The following PTPN9 variants were observed in gnomAD, a reference collection of about 807,000 sequenced individuals.
PTPN9 encodes tyrosine-protein phosphatase non-receptor type 9.
A neutral mutation model predicts 69.8 loss-of-function variants in PTPN9; 26 were observed. That is an observed-to-expected ratio of 0.37 (90% CI 0.27 to 0.52). The LOEUF is 0.52. Among genes scored for constraint, PTPN9 ranks in the 20% least tolerant of loss-of-function variants. PTPN9 has a pLI of 0.91. For missense variants in PTPN9, 549 were observed against 740.3 expected, an observed-to-expected ratio of 0.74 and a Z score of 3.00; for synonymous variants, 274 against 272.5, an observed-to-expected ratio of 1.01 and a Z score of -0.05.
intron 1 of PTPN9, among the ~76,000 whole-genome samples, chr15:75,568,330 A>C (rs150641672): frequency 2.7e-5 from 4 of 149,966 alleles, no homozygotes; most frequent in African/African-American, 7.4e-5. Context: ...CTGTCTCTAC[A>C]ACAAATAAAA....
rs1272681371 is a variant in PTPN9 at position 75,575,614 on chromosome 15, TA to T, written c.63+3099del. ...GTACTGCTGTTTAATTTTAATATTTTAAATAAATCTTAAGAGTACCCTTGGC... is the reference window on the plus strand; with the variant it reads ...GTACTGCTGTTTAATTTTAATATTTTAATAAATCTTAAGAGTACCCTTGGC... On this transcript the variant is annotated intron_variant, in intron 1 of 12. Transcript: ENST00000618819. Among the ~76,000 whole-genome samples, 52 of 152,166 alleles carry T rather than the reference TA, an allele frequency of 3.4e-4. 1 individual carries two copies. Among genetic ancestry groups the T allele is most frequent in the African/African-American group, 1.3e-3 (52 of 41,448 alleles).
intron 7 of PTPN9, among the ~76,000 whole-genome samples, chr15:75,504,412 A>C (rs1426408468): frequency 0.017 from 815 of 47,912 alleles, no homozygotes; most frequent in Admixed American, 0.025. Flanking sequence ...CGGCCAGCCG[A>C]CCCGTCCGGG....
In PTPN9 at chr15:75,469,828, T is replaced by C. The variant is rs758775634; in HGVS notation, c.1531A>G (p.Ile511Val). ...ATGCCTGCACTGCAATGGACCACAA[T>C]GGGTGGCTCAGGGCACTGCCCTTTG... is the stretch of plus-strand genomic sequence containing the variant. ...RSKGQCPEPP[I>V]VVHCSAGIGR... Residue 511 changes from isoleucine (I) to valine (V), a missense_variant, in exon 12 of 13, where the codon ATT becomes GTT. By Grantham distance (29) the Ile-to-Val change is conservative. Coordinates refer to ENST00000618819, the MANE Select transcript of PTPN9 (RefSeq NM_002833.4). The C allele has an allele frequency of 6.2e-7, 1 of 1,613,440 alleles. No individual in the cohort carries two copies. Among genetic ancestry groups the C allele is most frequent in the South Asian group, 1.1e-5 (1 of 91,038 alleles).
intron 7 of PTPN9, among the ~76,000 whole-genome samples, chr15:75,494,267 C>T (rs543230174): frequency 6.6e-6 from 1 of 151,920 alleles, no homozygotes; most frequent in African/African-American, 2.4e-5. Context: ...AACTAAATAA[C>T]AAACCTTCAG....
intron 1 of PTPN9, among the ~76,000 whole-genome samples, chr15:75,543,796 A>T (rs1474448561): frequency 6.6e-6 from 1 of 152,192 alleles, no homozygotes; most frequent in Non-Finnish European, 1.5e-5. Context: ...ACATAACAGG[A>T]ATTTTTGAAC....
intron 1 of PTPN9, among the ~76,000 whole-genome samples, chr15:75,546,529 G>C (rs571532278): frequency 3.3e-5 from 5 of 152,074 alleles, no homozygotes; most frequent in African/African-American, 1.2e-4. Flanking sequence ...TGTACTCCCA[G>C]CTACTCAGGA....
intron 1 of PTPN9, among the ~76,000 whole-genome samples, chr15:75,559,196 G>A (rs1246033179): frequency 6.6e-6 from 1 of 151,666 alleles, no homozygotes; most frequent in Non-Finnish European, 1.5e-5. Flanking sequence ...TAAGTGAGGA[G>A]CCCCTCCGCC....
chr15:75,504,063 G>A (rs1338284607), intron 7 of PTPN9, among the ~76,000 whole-genome samples: 2 of 120,388 alleles, frequency 1.7e-5, no homozygotes, highest in Admixed American at 7.8e-5. Context: ...CAGCCGACCC[G>A]TCCGGGAGGG....
chr15:75,518,965 A>G (rs768570769), intron 4 of PTPN9, among the ~76,000 whole-genome samples: 1 of 152,222 alleles, frequency 6.6e-6, no homozygotes, highest in Admixed American at 6.6e-5. Flanking sequence ...ATCCGTACTT[A>G]TATGTGATCT....
At chr15:75,482,269 T>G (rs190739202) in intron 8 of PTPN9, among the ~76,000 whole-genome samples, 1 of 151,826 alleles carries the variant, frequency 6.6e-6, no homozygotes, top group Non-Finnish European at 1.5e-5. Context: ...GCATGCTCCT[T>G]AAGAGTCATC....
intron 8 of PTPN9, among the ~76,000 whole-genome samples, chr15:75,481,766 G>T (rs1180712981): frequency 1.2e-5 from 1 of 85,784 alleles, no homozygotes; most frequent in South Asian, 6.0e-4. Context: ...GCCTCTGCCC[G>T]GCCGCCCCTA....
intron 7 of PTPN9, among the ~76,000 whole-genome samples, chr15:75,505,421 C>G (rs1485138500): frequency 6.7e-6 from 1 of 148,690 alleles, no homozygotes; most frequent in Non-Finnish European, 1.5e-5. Context: ...CCTGCCAAAT[C>G]CCCCTCTGCG....
intron 7 of PTPN9, among the ~76,000 whole-genome samples, chr15:75,502,998 C>G (rs535987520): frequency 2.0e-5 from 3 of 152,290 alleles, no homozygotes; most frequent in Admixed American, 2.0e-4. Context: ...ACCTCCATCT[C>G]CCAGCCGCCT....
intron 6 of PTPN9, 69 bp downstream of exon 6, chr15:75,508,848 A>C: frequency 8.3e-7 from 1 of 1,202,012 alleles, no homozygotes; most frequent in Non-Finnish European, 1.2e-6. Flanking sequence ...TTTTGAAGGT[A>C]GAAAATTAAT....
chr15:75,574,351 C>A (rs897250243), intron 1 of PTPN9, among the ~76,000 whole-genome samples: 9 of 151,148 alleles, frequency 6.0e-5, no homozygotes, highest in Non-Finnish European at 1.2e-4. Context: ...CTTTGCGGGG[C>A]AGGCAGGCTG....
intron 5 of PTPN9, 149 bp downstream of exon 5, chr15:75,517,110 G>A (rs2074874573): frequency 3.6e-6 from 2 of 555,024 alleles, no homozygotes; most frequent in African/African-American, 1.9e-5. Flanking sequence ...TTCTAAGGAA[G>A]CAGAGAGTAG....
chr15:75,578,881 G>T lies in PTPN9; in HGVS notation c.-105C>A. ...CCCCGCGCCTCAGCAGCCCGGGGCC[G>T]GCTCGCGCATAGTGTGGCCGGCAGG... On this transcript the variant is annotated 5_prime_UTR_variant, in exon 1 of 13. Transcript: ENST00000618819. The T allele has an allele frequency of 1.3e-6, 1 of 787,758 alleles. No individual in the cohort carries two copies. The highest frequency in any genetic ancestry group is 1.7e-6 in the Non-Finnish European group (1 of 601,192). The allele number at this position is 787,758 out of a possible 1,614,324, so 48.8% of individuals were successfully genotyped here. A position where few individuals can be genotyped will look rare whatever the true frequency, so the allele number is the denominator to read the frequency against.
intron 8 of PTPN9, among the ~76,000 whole-genome samples, chr15:75,486,001 G>A (rs1475351396): frequency 4.0e-5 from 6 of 150,790 alleles, no homozygotes; most frequent in Admixed American, 6.6e-5. Context: ...CTGGGAGGCT[G>A]AGGCAGGAGA....
chr15:75,554,797 C>T (rs1230050706), intron 1 of PTPN9, among the ~76,000 whole-genome samples: 1 of 152,192 alleles, frequency 6.6e-6, no homozygotes, highest in Non-Finnish European at 1.5e-5. Flanking sequence ...GTCCTCACTG[C>T]AGTGAGGCAT....
Sources: gnomAD v4.1 joint callset for allele counts (sites outside exome capture counted in the v4.1 genomes callset) on GRCh38, gnomAD v4.1.1 for gene constraint, MANE v1.5 for transcripts, NCBI Gene and HGNC (gene_info 2026-07-23, HGNC 2026-07-21) for gene names.